STT3B: variants seen among roughly 807,000 people sequenced by gnomAD.
The protein encoded by STT3B is dolichyl-diphosphooligosaccharide--protein glycosyltransferase subunit STT3B.
In STT3B, 29 loss-of-function variants were observed where a neutral mutation model predicts 96.8. The observed-to-expected ratio is 0.30, with a 90% CI of 0.22 to 0.41. The LOEUF is 0.41. STT3B is among the 10% of genes least tolerant of loss of function. STT3B has a pLI of 1.00. For missense variants in STT3B, 640 were observed against 1,022.3 expected, an observed-to-expected ratio of 0.63 and a Z score of 5.10; for synonymous variants, 367 against 360.0, an observed-to-expected ratio of 1.02 and a Z score of -0.22.
At position 31,579,603 on chromosome 3, in the gene STT3B, A is replaced by T. The variant is rs142299598; in HGVS notation, c.424-206A>T. On this transcript the variant is annotated intron_variant, in intron 2 of 15. Transcript: ENST00000295770. ...CATATTCTCCCTGATCTTTTTATGT[A>T]TTCCTCCAGATATGAGCTAGTTCTT... Among the ~76,000 whole-genome samples the T allele has an allele frequency of 1.3e-3, 186 of 148,358 alleles. 2 individuals carry two copies. Among genetic ancestry groups the T allele is most frequent in the Middle Eastern group, 7.2e-3 (2 of 278 alleles).
At chr3:31,568,900 A>T (rs1306153500) in intron 1 of STT3B, among the ~76,000 whole-genome samples, 1 of 152,170 alleles carries the variant, frequency 6.6e-6, no homozygotes, top group Admixed American at 6.5e-5. Context: ...AAATAGGTTG[A>T]TATTCCTAGT....
intron 1 of STT3B, among the ~76,000 whole-genome samples, chr3:31,558,249 G>C (rs1222838931): frequency 6.6e-6 from 1 of 152,090 alleles, no homozygotes; most frequent in African/African-American, 2.4e-5. Context: ...AGATATCCTT[G>C]TTTTCTAGTT....
At chr3:31,622,668 C>T (rs1699453875) in intron 10 of STT3B, among the ~76,000 whole-genome samples, 1 of 152,176 alleles carries the variant, frequency 6.6e-6, no homozygotes, top group Non-Finnish European at 1.5e-5. Flanking sequence ...TGTGGACAGA[C>T]AGGTGCTTAT....
Position 31,587,280 on chromosome 3 carries a change from A to G in STT3B, c.711+7184A>G, listed in dbSNP as rs572356770. 1.1e-4 allele frequency among the ~76,000 whole-genome samples: 17 copies of G among 151,704 alleles called. No individual in the cohort carries two copies. The South Asian group carries it at 2.9e-3, about 26-fold the overall frequency. ...TTTAACACTCCAAAAAGCCTCGCCC[A>G]TGATCAGTGACTTTCCATTTTCACA... On this transcript the variant is annotated intron_variant, in intron 3 of 15. Coordinates refer to ENST00000295770, the MANE Select transcript of STT3B (RefSeq NM_178862.3).
intron 3 of STT3B, 78 bp downstream of exon 3, chr3:31,580,174 T>C (rs992774021): frequency 7.0e-7 from 1 of 1,424,964 alleles, no homozygotes; most frequent in African/African-American, 1.4e-5. Context: ...TACGCAGATT[T>C]GTCTTTTACA....
At chr3:31,540,392 T>C (rs116367103) in intron 1 of STT3B, among the ~76,000 whole-genome samples, 3,983 of 152,312 alleles carry the variant, frequency 0.026, 176 homozygotes, top group African/African-American at 0.091. Flanking sequence ...ATTTTGTTTA[T>C]ATTAGTAAAG....
chr3:31,614,958 A>G (rs961040254), intron 5 of STT3B, 147 bp from the exon 6 acceptor site: 8 of 497,988 alleles, frequency 1.6e-5, no homozygotes, highest in Admixed American at 1.2e-4. Flanking sequence ...TATGGTTAAC[A>G]AATGGACATC....
chr3:31,599,441 T>A (rs1183047412), intron 4 of STT3B, among the ~76,000 whole-genome samples: 1 of 152,220 alleles, frequency 6.6e-6, no homozygotes, highest in Non-Finnish European at 1.5e-5. Context: ...ATAACATTGT[T>A]TTTTGTGAAA....
intron 14 of STT3B, among the ~76,000 whole-genome samples, chr3:31,631,514 A>G (rs1287172068): frequency 6.6e-6 from 1 of 152,202 alleles, no homozygotes; most frequent in Admixed American, 6.5e-5. Context: ...CCATGTTCCC[A>G]GCATACATTC....
In STT3B at chr3:31,549,010, C is replaced by T. The variant is rs149470145; in HGVS notation, c.314+15698C>T. The stretch of plus-strand genomic sequence containing the variant: ...TAATTTTATTTAATCTGGTATTTAC[C>T]GTATTTAATTTATGAATCACTGTAA... On this transcript the variant is annotated intron_variant, in intron 1 of 15. Coordinates refer to ENST00000295770, the MANE Select transcript of STT3B (RefSeq NM_178862.3). 1.2e-3 allele frequency among the ~76,000 whole-genome samples: 187 copies of T among 151,718 alleles called. 2 individuals carry two copies. Among genetic ancestry groups the T allele is most frequent in the Middle Eastern group, 6.8e-3 (2 of 292 alleles).
At position 31,619,833 on chromosome 3, in the gene STT3B, AAG is replaced by A. The variant is rs756793088; in HGVS notation, c.1327+8_1327+9del. ...TATCAACGATGAAAGAGTATTTGGTAAGAGAGGTTTTTAATGAATACTTTGAT... is the reference window on the plus strand; with the variant it reads ...TATCAACGATGAAAGAGTATTTGGTAAGAGGTTTTTAATGAATACTTTGAT... On this transcript the variant is annotated splice_donor_5th_base_variant and intron_variant, in intron 9 of 15. Transcript: ENST00000295770. 6.2e-6 allele frequency: 10 copies of A among 1,604,826 alleles called. No homozygotes were observed. The East Asian group carries it at 6.7e-5, about 11-fold the overall frequency.
intron 3 of STT3B, among the ~76,000 whole-genome samples, chr3:31,594,540 C>T (rs1372973282): frequency 6.6e-6 from 1 of 152,056 alleles, no homozygotes; most frequent in Non-Finnish European, 1.5e-5. Context: ...AGTGATTCTC[C>T]TGCCTCAGCC....
At chr3:31,626,765 T>G (rs1699547532) in intron 13 of STT3B, among the ~76,000 whole-genome samples, 1 of 152,130 alleles carries the variant, frequency 6.6e-6, no homozygotes, top group African/African-American at 2.4e-5. Context: ...TAATGAGAAT[T>G]TATAGTAAAG....
intron 11 of STT3B, among the ~76,000 whole-genome samples, chr3:31,624,094 C>T (rs772909690): frequency 9.9e-5 from 15 of 151,970 alleles, no homozygotes; most frequent in Non-Finnish European, 1.8e-4. Flanking sequence ...ATGGGGTTTC[C>T]ATCCCCTCAA....
Position 31,575,466 on chromosome 3 carries a change from T to TG in STT3B, c.315-921dup, listed in dbSNP as rs551121747. On this transcript the variant is annotated intron_variant, in intron 1 of 15. Coordinates refer to ENST00000295770, the MANE Select transcript of STT3B (RefSeq NM_178862.3). ...GCTTTTGTCAAATGCTTGATTTTTT[T>TG]GGGGGGGGGATATGTTGCTTATTTT... Among the ~76,000 whole-genome samples, 796 of 150,908 alleles carry TG rather than the reference T, an allele frequency of 5.3e-3. 5 individuals are homozygous for TG. Among genetic ancestry groups the TG allele is most frequent in the East Asian group, 0.021 (110 of 5,134 alleles).
intron 1 of STT3B, among the ~76,000 whole-genome samples, chr3:31,568,321 A>T (rs540721533): frequency 3.9e-4 from 60 of 152,326 alleles, no homozygotes; most frequent in Middle Eastern, 3.4e-3. Context: ...TGCAATAAAC[A>T]TGAGAGTGCA....
chr3:31,544,500 A>T (rs1195434469), intron 1 of STT3B, among the ~76,000 whole-genome samples: 4 of 152,210 alleles, frequency 2.6e-5, no homozygotes, highest in Non-Finnish European at 5.9e-5. Context: ...GAATCATTCC[A>T]TGTAATAATG....
chr3:31,563,908 C>T (rs1430045684), intron 1 of STT3B, among the ~76,000 whole-genome samples: 1 of 152,082 alleles, frequency 6.6e-6, no homozygotes, highest in Non-Finnish European at 1.5e-5. Context: ...CGGGTTCAAG[C>T]AATTCTTCTG....
chr3:31,540,220 G>C (rs1453846365), intron 1 of STT3B, among the ~76,000 whole-genome samples: 1 of 152,106 alleles, frequency 6.6e-6, no homozygotes, highest in Admixed American at 6.5e-5. Context: ...GAGCTTTTGT[G>C]TGAAGCTTGA....
Sources: gnomAD v4.1 joint callset for allele counts (sites outside exome capture counted in the v4.1 genomes callset) on GRCh38, gnomAD v4.1.1 for gene constraint, MANE v1.5 for transcripts, NCBI Gene and HGNC (gene_info 2026-07-23, HGNC 2026-07-21) for gene names.